The following MB21D2 variants were observed in gnomAD, a reference collection of about 807,000 sequenced individuals.
MB21D2 encodes Mab-21 domain containing 2.
A neutral mutation model predicts 33.3 loss-of-function variants in MB21D2; 9 were observed. The ratio of observed to expected loss-of-function variants is 0.27; its 90% confidence interval spans 0.16 to 0.47. MB21D2 has a LOEUF of 0.47. MB21D2 is among the 20% of genes least tolerant of loss of function. The probability of loss-of-function intolerance (pLI) is 0.99; values close to 1 mark genes in which losing one functional copy is unlikely to be tolerated. For synonymous variants in MB21D2, 241 were observed against 236.3 expected, an observed-to-expected ratio of 1.02 and a Z score of -0.18; for missense variants, 540 against 624.6, an observed-to-expected ratio of 0.86 and a Z score of 1.44.
At chr3:192,834,843 G>C (rs951211217) in intron 1 of MB21D2, among the ~76,000 whole-genome samples, 1 of 123,970 alleles carries the variant, frequency 8.1e-6, no homozygotes, top group Non-Finnish European at 1.6e-5. Context: ...ACAGAGTCTT[G>C]CTCTGACGCA....
chr3:192,904,363 C>A (rs1057104491), intron 1 of MB21D2, among the ~76,000 whole-genome samples: 1 of 152,098 alleles, frequency 6.6e-6, no homozygotes, highest in East Asian at 1.9e-4. Flanking sequence ...AGATCAGAGG[C>A]GATAAGTTGA....
intron 1 of MB21D2, among the ~76,000 whole-genome samples, chr3:192,831,839 T>C (rs1712322298): frequency 6.6e-6 from 1 of 152,184 alleles, no homozygotes; most frequent in Admixed American, 6.5e-5. Context: ...ACTGGAAGGA[T>C]GAAGGAACTT....
intron 1 of MB21D2, among the ~76,000 whole-genome samples, chr3:192,877,124 A>C (rs1310049540): frequency 2.0e-5 from 3 of 152,234 alleles, no homozygotes; most frequent in Admixed American, 6.5e-5. Flanking sequence ...AAGACCCCGT[A>C]CTACAACAGG....
chr3:192,910,867 T>C (rs1560258824), intron 1 of MB21D2, among the ~76,000 whole-genome samples: 1 of 152,242 alleles, frequency 6.6e-6, no homozygotes, highest in South Asian at 2.1e-4. Flanking sequence ...GTAAAACACA[T>C]ACCACATAGT....
chr3:192,872,056 T>C (rs1239853210), intron 1 of MB21D2, among the ~76,000 whole-genome samples: 1 of 152,212 alleles, frequency 6.6e-6, no homozygotes, highest in East Asian at 1.9e-4. Flanking sequence ...CAAGTTTGTC[T>C]CTCATAAAAC....
At chr3:192,851,558 G>C (rs1416707228) in intron 1 of MB21D2, among the ~76,000 whole-genome samples, 1 of 132,194 alleles carries the variant, frequency 7.6e-6, no homozygotes, top group South Asian at 2.5e-4. Flanking sequence ...GCAGTGCCAC[G>C]ATCTTGGCTC....
chr3:192,917,610 T>G lies in MB21D2; in HGVS notation c.211+20A>C. On this transcript the variant is annotated intron_variant, in intron 1 of 1. Transcript: ENST00000392452. ...TCACACACACACACGCACACACACC[T>G]CCCCCTTTTTCCTCCTTACCCAGCA... is the stretch of plus-strand genomic sequence containing the variant. The G allele has an allele frequency of 6.2e-7, 1 of 1,611,510 alleles. No individual in the cohort carries two copies. The highest frequency in any genetic ancestry group is 8.5e-7 in the Non-Finnish European group (1 of 1,178,278).
intron 1 of MB21D2, among the ~76,000 whole-genome samples, chr3:192,869,380 A>C (rs1385131810): frequency 4.6e-5 from 7 of 151,978 alleles, no homozygotes; most frequent in African/African-American, 1.7e-4. Context: ...GAAGGGAAGG[A>C]GAAGTGGAAT....
At chr3:192,834,421 CAAAAAAAAAA>C in intron 1 of MB21D2, among the ~76,000 whole-genome samples, 1 of 127,114 alleles carries the variant, frequency 7.9e-6, no homozygotes, top group South Asian at 2.4e-4. Context: ...CCAGTTATAT[CAAAAAAAAAA>C]AAAAAAAAGA....
intron 1 of MB21D2, among the ~76,000 whole-genome samples, chr3:192,837,124 C>G (rs1169700146): frequency 1.3e-5 from 2 of 152,098 alleles, no homozygotes; most frequent in Non-Finnish European, 2.9e-5. Context: ...CTGTTTGAGT[C>G]CAGAACTATG....
chr3:192,914,169 C>G (rs1322222889), intron 1 of MB21D2, among the ~76,000 whole-genome samples: 1 of 152,126 alleles, frequency 6.6e-6, no homozygotes, highest in Non-Finnish European at 1.5e-5. Context: ...AGTAGCATCT[C>G]TACCATCTAT....
At chr3:192,901,383 C>T (rs1396069957) in intron 1 of MB21D2, among the ~76,000 whole-genome samples, 1 of 83,118 alleles carries the variant, frequency 1.2e-5, no homozygotes, top group Non-Finnish European at 2.3e-5. Context: ...TCCTGGCTAA[C>T]AAGGTGAAAC....
At chr3:192,886,973 G>T (rs1257388465) in intron 1 of MB21D2, among the ~76,000 whole-genome samples, 2 of 150,386 alleles carry the variant, frequency 1.3e-5, no homozygotes, top group African/African-American at 5.0e-5. Flanking sequence ...ATCCTGTCAA[G>T]CTGTAAGTTA....
At position 192,799,207 on chromosome 3, in the gene MB21D2, T is replaced by C. The variant is rs1711505377; in HGVS notation, c.655A>G (p.Ile219Val). 3.1e-6 allele frequency: 5 copies of C among 1,614,226 alleles called. No individual in the cohort carries two copies. The highest frequency in any genetic ancestry group is 4.2e-6 in the Non-Finnish European group (5 of 1,180,038). ...KVEKVEKNGT[I>V]ISIILGVGSS... ...CCTACACCCAGAATGATGGAGATGA[T>C]GGTCCCATTTTTTTCCACCTTTTCT... Residue 219 changes from isoleucine (I) to valine (V), a missense_variant, in exon 2 of 2, where the codon ATC becomes GTC. By Grantham distance (29) the Ile-to-Val change is conservative. Coordinates refer to ENST00000392452, the MANE Select transcript of MB21D2 (RefSeq NM_178496.4). The surrounding 1 kb of genome is among the most constrained non-coding windows in gnomAD (Gnocchi z 4.1).
chr3:192,857,643 G>GA (rs998105024), intron 1 of MB21D2, among the ~76,000 whole-genome samples: 58 of 144,760 alleles, frequency 4.0e-4, no homozygotes, highest in East Asian at 8.0e-4. Flanking sequence ...AGGCTAAAGA[G>GA]AAAAAAAAAA....
chr3:192,829,686 A>G (rs1712270141), intron 1 of MB21D2, among the ~76,000 whole-genome samples: 1 of 151,778 alleles, frequency 6.6e-6, no homozygotes, highest in South Asian at 2.1e-4. Context: ...AGTGCAGTCT[A>G]GAGCATTCTT....
chr3:192,904,752 C>T (rs1175340458), intron 1 of MB21D2, among the ~76,000 whole-genome samples: 1 of 152,208 alleles, frequency 6.6e-6, no homozygotes. Context: ...GTGGCCCCAT[C>T]AGAAAACAGG....
At chr3:192,832,398 C>T (rs1712333859) in intron 1 of MB21D2, among the ~76,000 whole-genome samples, 1 of 152,136 alleles carries the variant, frequency 6.6e-6, no homozygotes, top group African/African-American at 2.4e-5. Flanking sequence ...CTTGTCTTAC[C>T]AAGTAAAGTT....
rs754804880 is a variant in MB21D2, at chr3:192,798,597, T to C, written c.1265A>G (p.Asn422Ser). The C allele has an allele frequency of 4.3e-6, 7 of 1,613,960 alleles. No homozygotes were observed. Among genetic ancestry groups the C allele is most frequent in the South Asian group, 2.2e-5 (2 of 91,074 alleles). ...CCTCTGGAGCTCCAGTGTCAGCCGGTTGGCTGCCTTGACATGCTCAATGGC... is the reference window on the plus strand; with the variant it reads ...CCTCTGGAGCTCCAGTGTCAGCCGGCTGGCTGCCTTGACATGCTCAATGGC... ...RTAIEHVKAA[N>S]RLTLELQRRG... The change falls in exon 2 of 2, where the codon AAC becomes AGC. Residue 422 changes from asparagine to serine, a missense_variant. Transcript: ENST00000392452. This position sits in a 1 kb window ranked among gnomAD's most constrained non-coding sequence, Gnocchi z 4.8.
Sources: gnomAD v4.1 joint callset for allele counts (sites outside exome capture counted in the v4.1 genomes callset) on GRCh38, gnomAD v4.1.1 for gene constraint, Gnocchi (gnomAD v3.1) non-coding constraint, MANE v1.5 for transcripts, NCBI Gene and HGNC (gene_info 2026-07-23, HGNC 2026-07-21) for gene names.